Variants in GLI3 observed in about 807,000 individuals in gnomAD.
GLI3 encodes GLI family zinc finger 3.
In GLI3, 20 loss-of-function variants were observed where a neutral mutation model predicts 100.8. The observed-to-expected ratio is 0.20, with a 90% CI of 0.14 to 0.29. The LOEUF (loss-of-function observed/expected upper bound fraction) is 0.29, where lower values mean the gene tolerates loss of function less well. Ranked by LOEUF, GLI3 falls within the 10% of genes least tolerant of loss-of-function variation. The probability of loss-of-function intolerance (pLI) is 1.00; values close to 1 mark genes in which losing one functional copy is unlikely to be tolerated. For synonymous variants in GLI3, 938 were observed against 860.5 expected (o/e 1.09, Z -1.58); for missense variants, 2,040 against 2,128.5 (o/e 0.96, Z 0.82).
chr7:42,132,074 ATTAT>A (rs57779364), intron 3 of GLI3, among the ~76,000 whole-genome samples: 7 of 151,088 alleles, frequency 4.6e-5, no homozygotes, highest in Admixed American at 2.6e-4. Flanking sequence ...TCAGGACTTC[ATTAT>A]TTATTTATTT....
In GLI3 at chr7:41,964,273, T is replaced by C; in HGVS notation, c.*57A>G. ...AAAAAAACAGCCAAAACAAAGTCAG[T>C]TTAATCTCTTCAACTCCTATTGATT... On this transcript the variant is annotated 3_prime_UTR_variant, in exon 15 of 15. Transcript: ENST00000395925. The C allele has an allele frequency of 6.6e-7, 1 of 1,510,356 alleles. No individual in the cohort carries two copies. The highest frequency in any genetic ancestry group is 9.2e-7 in the Non-Finnish European group (1 of 1,087,000). 93.6% of individuals were successfully genotyped at this position (1,510,356 alleles called of 1,614,324 possible). A position where few individuals can be genotyped will look rare whatever the true frequency, so the allele number is the denominator to read the frequency against.
At chr7:42,174,266 TA>T (rs2128678119) in intron 2 of GLI3, among the ~76,000 whole-genome samples, 1 of 152,330 alleles carries the variant, frequency 6.6e-6, no homozygotes, top group South Asian at 2.1e-4. Flanking sequence ...TTATTCCACC[TA>T]AACCAGGTAA....
At chr7:42,166,813 C>A (rs1417112312) in intron 2 of GLI3, among the ~76,000 whole-genome samples, 3 of 151,230 alleles carry the variant, frequency 2.0e-5, no homozygotes, top group Admixed American at 6.6e-5. Context: ...GTACACGCCA[C>A]CATGACCAGC....
chr7:41,961,226 AAG>A lies in GLI3; in HGVS notation c.*3102_*3103del, dbSNP rs1279663663. 1.3e-5 allele frequency: 2 copies of A among 152,662 alleles called. No homozygotes were observed. Among genetic ancestry groups the A allele is most frequent in the Non-Finnish European group, 2.9e-5 (2 of 68,046 alleles). 9.5% of individuals were successfully genotyped at this position (152,662 alleles called of 1,614,324 possible). ...TTTTATTTTTTAAAAAAATCTAAAAAAGGTGAAAAAAATGAACTTGTATTTTA... is the reference window on the plus strand; with the variant it reads ...TTTTATTTTTTAAAAAAATCTAAAAAGTGAAAAAAATGAACTTGTATTTTA... On this transcript the variant is annotated 3_prime_UTR_variant, in exon 15 of 15. Transcript: ENST00000395925.
rs563166213 is a variant in GLI3, at chr7:42,253,562, C to T, written c.-43+10432G>A. Among the ~76,000 whole-genome samples the T allele has an allele frequency of 6.6e-5, 10 of 152,328 alleles. No homozygotes were observed. The South Asian group carries it at 2.1e-3, about 32-fold the overall frequency. On this transcript the variant is annotated intron_variant, in intron 1 of 2. Coordinates refer to the GLI3 transcript ENST00000678978. ...TTCATGGCTCACCAATTGGGAACTT[C>T]TGAATTAAATAGTTCTTAAGCATGA...
intron 3 of GLI3, among the ~76,000 whole-genome samples, chr7:42,131,060 C>T (rs1786262979): frequency 6.6e-6 from 1 of 152,170 alleles, no homozygotes; most frequent in East Asian, 1.9e-4. Flanking sequence ...AAGAGAATTT[C>T]ACAGACACAA....
intron 2 of GLI3, among the ~76,000 whole-genome samples, chr7:42,169,059 C>G (rs1787306023): frequency 6.6e-6 from 1 of 152,206 alleles, no homozygotes; most frequent in South Asian, 2.1e-4. Flanking sequence ...GAGAAATTAT[C>G]TAACTGCCCA....
chr7:42,082,350 C>G (rs1785013822), intron 3 of GLI3, among the ~76,000 whole-genome samples: 1 of 152,130 alleles, frequency 6.6e-6, no homozygotes. Flanking sequence ...AAGATGCAGA[C>G]TGACTTACTA....
intron 2 of GLI3, among the ~76,000 whole-genome samples, chr7:42,187,226 AC>A (rs1457983007): frequency 2.7e-5 from 4 of 149,682 alleles, no homozygotes; most frequent in Non-Finnish European, 5.9e-5. Context: ...AAAAAAAAAA[AC>A]ATGAAGAAGA....
intron 3 of GLI3, among the ~76,000 whole-genome samples, chr7:42,099,968 C>G (rs546043486): frequency 1.3e-5 from 2 of 152,392 alleles, no homozygotes; most frequent in African/African-American, 4.8e-5. Context: ...CACTCTCTTT[C>G]TCTGTAACCA....
Position 41,972,448 on chromosome 7 carries a change from C to A in GLI3, c.1992G>T (p.Ser664=). ...GGGCTCCCTGAGTCGGTCGGCCAGGCGACCTGGACTGTGAATGGCTGCCGG... is the reference window on the plus strand; with the variant it reads ...GGGCTCCCTGAGTCGGTCGGCCAGGAGACCTGGACTGTGAATGGCTGCCGG... ...RDSGSHSQSR[S]PGRPTQGALG... The change falls in exon 13 of 15, where the codon TCG becomes TCT. Residue 664 remains serine, a synonymous_variant. Transcript: ENST00000395925. This position sits in a 1 kb window ranked among gnomAD's most constrained non-coding sequence, Gnocchi z 4.4. 1.9e-6 allele frequency: 3 copies of A among 1,613,656 alleles called. No homozygotes were observed. The highest frequency in any genetic ancestry group is 2.5e-6 in the Non-Finnish European group (3 of 1,179,982).
rs138359353 is a variant in GLI3, at chr7:42,184,065, G to A, written c.125-35597C>T. Among the ~76,000 whole-genome samples the A allele has an allele frequency of 1.5e-4, 23 of 152,314 alleles. No individual in the cohort carries two copies. The East Asian group carries it at 3.3e-3, about 22-fold the overall frequency. ...ACAGTAGCCACTTGATAGGATTACC[G>A]AGGATTAGATGCGTCACTCATGCAA... On this transcript the variant is annotated intron_variant, in intron 2 of 14. Transcript: ENST00000395925.
At chr7:41,997,016 G>T (rs1355161723) in intron 10 of GLI3, among the ~76,000 whole-genome samples, 7 of 152,212 alleles carry the variant, frequency 4.6e-5, no homozygotes, top group Admixed American at 1.3e-4. Flanking sequence ...GAAGAATTGG[G>T]ATTTTTATTT....
intron 2 of GLI3, among the ~76,000 whole-genome samples, chr7:42,217,945 A>T (rs1296296505): frequency 6.6e-6 from 1 of 152,202 alleles, no homozygotes; most frequent in Non-Finnish European, 1.5e-5. Context: ...CAGCCTGTGA[A>T]GTGTGAAGTA....
chr7:42,214,668 A>G (rs894413431), intron 2 of GLI3, among the ~76,000 whole-genome samples: 1 of 146,258 alleles, frequency 6.8e-6, no homozygotes, highest in African/African-American at 2.7e-5. Context: ...AAAAAAGACA[A>G]AAAAAAAATA....
intron 5 of GLI3, among the ~76,000 whole-genome samples, chr7:42,046,468 A>G (rs1374200774): frequency 6.6e-6 from 1 of 152,254 alleles, no homozygotes; most frequent in African/African-American, 2.4e-5. Flanking sequence ...GATTTAAGGA[A>G]AAAAACTTTA....
intron 4 of GLI3, among the ~76,000 whole-genome samples, chr7:42,049,373 G>T (rs970371195): frequency 1.3e-5 from 2 of 152,162 alleles, no homozygotes; most frequent in Non-Finnish European, 2.9e-5. Context: ...TGAGTGCTTG[G>T]AAGGCAACTC....
At chr7:42,055,039 A>G (rs1784424112) in intron 4 of GLI3, among the ~76,000 whole-genome samples, 1 of 135,362 alleles carries the variant, frequency 7.4e-6, no homozygotes, top group Non-Finnish European at 1.6e-5. Context: ...ATATATGTAT[A>G]CATATATATA....
chr7:42,193,406 A>C (rs1787867101), intron 2 of GLI3, among the ~76,000 whole-genome samples: 1 of 152,122 alleles, frequency 6.6e-6, no homozygotes, highest in South Asian at 2.1e-4. Context: ...GGCCTCCAGG[A>C]ACACACTCTG....
Sources: allele counts gnomAD v4.1 joint callset (sites outside exome capture counted in the v4.1 genomes callset), GRCh38; gene constraint gnomAD v4.1.1; non-coding constraint Gnocchi (gnomAD v3.1); transcripts MANE v1.5; gene names NCBI Gene and HGNC (gene_info 2026-07-23, HGNC 2026-07-21).